Variants in MTUS2 observed in about 807,000 individuals in gnomAD.
The protein encoded by MTUS2 is microtubule-associated tumor suppressor candidate 2.
A neutral mutation model predicts 114.1 loss-of-function variants in MTUS2; 40 were observed. The ratio of observed to expected loss-of-function variants is 0.35; its 90% CI spans 0.27 to 0.46. The LOEUF is 0.46. MTUS2 is among the 20% of genes least tolerant of loss of function. The pLI is 1.00. For missense variants in MTUS2, 1,679 were observed against 1,705.4 expected, an observed-to-expected ratio of 0.98 and a Z score of 0.27; for synonymous variants, 688 against 672.0, an observed-to-expected ratio of 1.02 and a Z score of -0.37.
At chr13:29,354,088 T>C (rs1444971968) in intron 7 of MTUS2, among the ~76,000 whole-genome samples, 1 of 152,190 alleles carries the variant, frequency 6.6e-6, no homozygotes, top group Non-Finnish European at 1.5e-5. Context: ...CTGAGTCCCC[T>C]GATTCCCTGC....
chr13:29,235,274 G>A (rs1459424492), intron 5 of MTUS2, among the ~76,000 whole-genome samples: 3 of 152,036 alleles, frequency 2.0e-5, no homozygotes, highest in Non-Finnish European at 2.9e-5. Flanking sequence ...TGTATTTTTG[G>A]TAGAGATGGG....
chr13:28,917,568 C>CT lies in MTUS2; in HGVS notation c.-243+77728dup, dbSNP rs762287575. ...ATTTCTATGATATCAGTTGTAATGT[C>CT]TTTTTTTTTTCATTTCTGATTTTAT... On this transcript the variant is annotated intron_variant, in intron 2 of 15. Transcript: ENST00000612955. 6.9e-3 allele frequency among the ~76,000 whole-genome samples: 1,011 copies of CT among 145,910 alleles called. 3 individuals are homozygous for CT. The highest frequency in any genetic ancestry group is 0.024 in the Middle Eastern group (7 of 292).
chr13:29,461,228 A>G (rs951123483), intron 9 of MTUS2, among the ~76,000 whole-genome samples: 1 of 151,952 alleles, frequency 6.6e-6, no homozygotes, highest in Non-Finnish European at 1.5e-5. Context: ...TCATTCTTTT[A>G]TCAGAAACTC....
intron 1 of MTUS2, among the ~76,000 whole-genome samples, chr13:28,825,987 A>G (rs947195661): frequency 1.3e-5 from 2 of 152,058 alleles, no homozygotes; most frequent in Non-Finnish European, 2.9e-5. Flanking sequence ...GCCCTATTGT[A>G]TTTGGAAAAT....
intron 5 of MTUS2, among the ~76,000 whole-genome samples, chr13:29,192,158 A>G (rs1360686576): frequency 6.6e-6 from 1 of 152,194 alleles, no homozygotes; most frequent in Admixed American, 6.5e-5. Flanking sequence ...GTGCTGTTAA[A>G]CTTCATCTAG....
chr13:28,957,554 T>G (rs148969163), intron 2 of MTUS2, among the ~76,000 whole-genome samples: 204 of 152,332 alleles, frequency 1.3e-3, no homozygotes, highest in African/African-American at 4.7e-3. Context: ...TATCTAGCAT[T>G]TACATTGTGT....
chr13:29,087,654 T>G (rs1485389469), intron 4 of MTUS2, among the ~76,000 whole-genome samples: 2 of 152,220 alleles, frequency 1.3e-5, no homozygotes, highest in East Asian at 1.9e-4. Flanking sequence ...AGTCATTAGC[T>G]GTTGATGCTG....
chr13:29,078,430 C>T (rs1055197986), intron 4 of MTUS2, among the ~76,000 whole-genome samples: 1 of 152,184 alleles, frequency 6.6e-6, no homozygotes, highest in East Asian at 1.9e-4. Context: ...ATAGCTCTGT[C>T]TTAATGTAAG....
intron 4 of MTUS2, among the ~76,000 whole-genome samples, chr13:29,057,701 A>C (rs1465978138): frequency 6.6e-6 from 1 of 152,090 alleles, no homozygotes; most frequent in Non-Finnish European, 1.5e-5. Flanking sequence ...ATTACATCTG[A>C]AATGGGTCTC....
intron 5 of MTUS2, among the ~76,000 whole-genome samples, chr13:29,119,861 A>G (rs1891235474): frequency 6.6e-6 from 1 of 152,240 alleles, no homozygotes; most frequent in African/African-American, 2.4e-5. Flanking sequence ...TTAATCAGCT[A>G]GCTGGGCATT....
At chr13:28,890,643 C>CA (rs1878865413) in intron 2 of MTUS2, among the ~76,000 whole-genome samples, 1 of 152,062 alleles carries the variant, frequency 6.6e-6, no homozygotes, top group African/African-American at 2.4e-5. Flanking sequence ...TGCATAAAAC[C>CA]ATTGAAATAA....
chr13:29,112,790 T>C (rs752002413), intron 5 of MTUS2, among the ~76,000 whole-genome samples: 12 of 151,960 alleles, frequency 7.9e-5, no homozygotes, highest in Non-Finnish European at 1.6e-4. Context: ...AAGGGATGAG[T>C]GCTGAGAAAT....
At chr13:29,363,490 A>G (rs1427498467) in intron 8 of MTUS2, among the ~76,000 whole-genome samples, 1 of 152,056 alleles carries the variant, frequency 6.6e-6, no homozygotes, top group African/African-American at 2.4e-5. Flanking sequence ...TAATTCACCA[A>G]CCTCCTTCTT....
intron 2 of MTUS2, among the ~76,000 whole-genome samples, chr13:29,002,880 G>A (rs1885445219): frequency 6.6e-6 from 1 of 152,170 alleles, no homozygotes; most frequent in Non-Finnish European, 1.5e-5. Flanking sequence ...AGTTTATCTG[G>A]TACACTTAGT....
intron 11 of MTUS2, 110 bp from the exon 12 acceptor site, chr13:29,492,536 C>G: frequency 1.3e-6 from 1 of 755,376 alleles, no homozygotes. Context: ...ATCTGCTATA[C>G]GGGAGTCATT....
At chr13:29,428,780 G>C (rs1408605133) in intron 8 of MTUS2, 68 of 1,611,498 alleles carry the variant, frequency 4.2e-5, no homozygotes, top group Non-Finnish European at 5.6e-5. Flanking sequence ...CGGTACCTCG[G>C]CTTAGGAGTT....
intron 9 of MTUS2, among the ~76,000 whole-genome samples, chr13:29,447,610 A>ATTT (rs549056364): frequency 8.9e-6 from 1 of 112,204 alleles, no homozygotes. Context: ...TGTTGTCTCC[A>ATTT]TTTTTTTTTT....
chr13:29,492,157 TGTG>T (rs1386055801), intron 11 of MTUS2, among the ~76,000 whole-genome samples: 1 of 44,218 alleles, frequency 2.3e-5, no homozygotes, highest in Admixed American at 2.4e-4. Context: ...TGTATGTGTG[TGTG>T]GTGTGTATGT....
At chr13:29,256,206 A>G (rs1422960990) in intron 5 of MTUS2, among the ~76,000 whole-genome samples, 8 of 152,232 alleles carry the variant, frequency 5.3e-5, no homozygotes, top group Admixed American at 4.6e-4. Context: ...GTCGTGATAC[A>G]GAGCTTATCC....
Sources: gnomAD v4.1 joint callset for allele counts (sites outside exome capture counted in the v4.1 genomes callset) on GRCh38, gnomAD v4.1.1 for gene constraint, MANE v1.5 for transcripts, NCBI Gene and HGNC (gene_info 2026-07-23, HGNC 2026-07-21) for gene names.